The following GPHN variants were observed in gnomAD, a reference collection of about 807,000 sequenced individuals.
The protein encoded by GPHN is gephyrin.
GPHN carries 17 observed loss-of-function variants against 95.5 expected under a neutral mutation model. The observed-to-expected ratio is 0.18, with a 90% CI of 0.12 to 0.27. GPHN has a LOEUF of 0.27. GPHN is among the 10% of genes least tolerant of loss of function. The probability of loss-of-function intolerance (pLI) is 1.00; values close to 1 mark genes in which losing one functional copy is unlikely to be tolerated. For synonymous variants in GPHN, 320 were observed against 322.5 expected (o/e 0.99, Z 0.08); for missense variants, 660 against 978.1 (o/e 0.67, Z 4.34).
chr14:67,638,751 G>A, the GPHN span, among the ~76,000 whole-genome samples: 1 of 152,236 alleles, frequency 6.6e-6, no homozygotes, highest in South Asian at 2.1e-4. Context: ...CCTTAGCTTT[G>A]TGGATGCAGA....
chr14:67,235,522 T>C, the GPHN span, among the ~76,000 whole-genome samples: 1 of 152,132 alleles, frequency 6.6e-6, no homozygotes, highest in Non-Finnish European at 1.5e-5. Context: ...GAGACCATCC[T>C]GGCTAACACG....
chr14:66,642,553 A>AT (rs1196864769), intron 1 of GPHN, among the ~76,000 whole-genome samples: 2 of 125,834 alleles, frequency 1.6e-5, no homozygotes, highest in African/African-American at 8.3e-5. Flanking sequence ...AGACATTTTG[A>AT]TTTTTGTTTT....
chr14:67,308,917 A>C, the GPHN span, among the ~76,000 whole-genome samples: 1 of 152,154 alleles, frequency 6.6e-6, no homozygotes, highest in African/African-American at 2.4e-5. Context: ...ATCCCTAAAA[A>C]ACATGTAAAT....
At chr14:66,778,157 A>C (rs1218072980) in intron 3 of GPHN, among the ~76,000 whole-genome samples, 1 of 152,160 alleles carries the variant, frequency 6.6e-6, no homozygotes, top group Non-Finnish European at 1.5e-5. Context: ...TACAAAAATC[A>C]CAAGCATTCT....
chr14:67,672,493 T>C, the GPHN span, among the ~76,000 whole-genome samples: 1 of 144,276 alleles, frequency 6.9e-6, no homozygotes, highest in African/African-American at 2.6e-5. Context: ...TTGCCCAGGC[T>C]GGAGTTCAGT....
the GPHN span, among the ~76,000 whole-genome samples, chr14:67,299,190 T>A: frequency 6.6e-6 from 1 of 152,218 alleles, no homozygotes; most frequent in African/African-American, 2.4e-5. Flanking sequence ...GTATTGGCTA[T>A]TTCTCTATCT....
chr14:66,803,404 G>A lies in GPHN; in HGVS notation c.202-21070G>A, dbSNP rs1480716141. Among the ~76,000 whole-genome samples the A allele has an allele frequency of 2.0e-5, 3 of 152,282 alleles. No homozygotes were observed. In the East Asian group the frequency reaches 5.8e-4, roughly 29 times the overall value. On this transcript the variant is annotated intron_variant, in intron 3 of 22. Transcript: ENST00000478722. Reference sequence around the variant, plus strand: ...GTACTATGAGTGCTCACCTGAGTTTGAGTTTTACGAAGGTACTTTTTTTGT... The same window carrying A: ...GTACTATGAGTGCTCACCTGAGTTTAAGTTTTACGAAGGTACTTTTTTTGT...
intron 1 of GPHN, among the ~76,000 whole-genome samples, chr14:66,600,272 C>T (rs2062171032): frequency 6.6e-6 from 1 of 151,962 alleles, no homozygotes; most frequent in South Asian, 2.1e-4. Flanking sequence ...TTTATTCAGG[C>T]ACTGTTTTAA....
intron 11 of GPHN, among the ~76,000 whole-genome samples, chr14:67,086,912 C>T (rs932992796): frequency 1.3e-5 from 2 of 151,118 alleles, no homozygotes; most frequent in African/African-American, 4.9e-5. Flanking sequence ...GTGGCGGGCG[C>T]CTGTAGTCCC....
chr14:67,644,861 G>T, the GPHN span, among the ~76,000 whole-genome samples: 1 of 152,090 alleles, frequency 6.6e-6, no homozygotes, highest in South Asian at 2.1e-4. Flanking sequence ...AGCCAGGCAT[G>T]GTGGCATGTG....
the GPHN span, chr14:67,201,634 C>T: frequency 1.2e-5 from 5 of 428,228 alleles, no homozygotes; most frequent in African/African-American, 2.0e-5. Context: ...GGAACCACCA[C>T]TACCCATTTA....
intron 2 of GPHN, among the ~76,000 whole-genome samples, chr14:66,735,904 T>C (rs1358160086): frequency 2.0e-5 from 3 of 152,152 alleles, no homozygotes; most frequent in African/African-American, 7.2e-5. Flanking sequence ...TGTTTAATAC[T>C]TATAGCAATC....
chr14:66,514,025 G>A (rs182672308), intron 1 of GPHN, among the ~76,000 whole-genome samples: 305 of 151,960 alleles, frequency 2.0e-3, no homozygotes, highest in Non-Finnish European at 1.8e-3. Flanking sequence ...TGAAGGAATT[G>A]TCACCATAAT....
chr14:67,031,673 G>T (rs2153630980), intron 10 of GPHN, among the ~76,000 whole-genome samples: 1 of 152,160 alleles, frequency 6.6e-6, no homozygotes, highest in East Asian at 1.9e-4. Context: ...TTGAACTCCT[G>T]GGCTCAAGCA....
the GPHN span, chr14:67,616,001 AGTT>A: frequency 6.9e-6 from 2 of 290,852 alleles, no homozygotes; most frequent in Non-Finnish European, 1.4e-5. Context: ...CCAAAAAGGG[AGTT>A]GTTGAGGCTG....
At chr14:67,715,647 C>T in the GPHN span, among the ~76,000 whole-genome samples, 1 of 152,058 alleles carries the variant, frequency 6.6e-6, no homozygotes, top group African/African-American at 2.4e-5. Context: ...ATGCCAAGTT[C>T]GTTCTTTTTG....
At chr14:66,845,819 CTGTGTG>C (rs367997271) in intron 4 of GPHN, among the ~76,000 whole-genome samples, 4,124 of 143,368 alleles carry the variant, frequency 0.029, 72 homozygotes, top group South Asian at 0.036. Flanking sequence ...ATACATGCCT[CTGTGTG>C]TGTGTGTGTG....
chr14:67,698,932 T>C, the GPHN span, among the ~76,000 whole-genome samples: 2 of 152,068 alleles, frequency 1.3e-5, no homozygotes, highest in African/African-American at 4.8e-5. Context: ...ACCTGTGTGC[T>C]AGTAAGAAGA....
At chr14:66,541,603 A>G (rs2059355531) in intron 1 of GPHN, among the ~76,000 whole-genome samples, 1 of 152,252 alleles carries the variant, frequency 6.6e-6, no homozygotes, top group Admixed American at 6.5e-5. Flanking sequence ...ATCGATCTGC[A>G]GAGAAATGTG....
Sources: gnomAD v4.1 joint callset for allele counts (sites outside exome capture counted in the v4.1 genomes callset) on GRCh38, gnomAD v4.1.1 for gene constraint, MANE v1.5 for transcripts, NCBI Gene and HGNC (gene_info 2026-07-23, HGNC 2026-07-21) for gene names.